The following PECR variants were observed in gnomAD, a reference collection of about 807,000 sequenced individuals.
PECR encodes 2,4-dienoyl-CoA reductase-related protein.
PECR carries 30 observed loss-of-function variants against 35.3 expected under a neutral mutation model. The ratio of observed to expected loss-of-function variants is 0.85; its 90% CI spans 0.64 to 1.15. The LOEUF (loss-of-function observed/expected upper bound fraction) is 1.15. PECR is among the 50% of genes most tolerant of loss of function. PECR has a pLI of 0.00. For missense variants in PECR, 392 were observed against 370.8 expected (o/e 1.06, Z -0.47); for synonymous variants, 148 against 138.9 (o/e 1.07, Z -0.46).
At chr2:216,071,297 G>A (rs1695582682) in intron 1 of PECR, among the ~76,000 whole-genome samples, 1 of 152,220 alleles carries the variant, frequency 6.6e-6, no homozygotes, top group Non-Finnish European at 1.5e-5. Flanking sequence ...CAAAGCATCT[G>A]CTCCACAAGC....
At chr2:216,054,287 CAAAAAAAAAAG>C (rs1695180750) in intron 4 of PECR, among the ~76,000 whole-genome samples, 2 of 69,850 alleles carry the variant, frequency 2.9e-5, no homozygotes, top group Non-Finnish European at 5.9e-5. Context: ...AACTCCATCT[CAAAAAAAAAAG>C]AAAAAAAAAA....
rs1694849015 is a variant in PECR at position 216,039,309 on chromosome 2, A to G, written c.878T>C (p.Met293Thr). Residue 293 changes from methionine (M) to threonine (T), a missense_variant, in exon 8 of 8, where the codon ATG becomes ACG. By Grantham distance (81) the Met-to-Thr change is moderately conservative. Transcript: ENST00000265322. ...AGCTTTCTCCTTAAAGGTCTCCTTC[A>G]TCTTTTTGACAACAGAAAGGTCCCC... is the stretch of plus-strand genomic sequence containing the variant. Reference protein sequence around the residue: ...GAGDLSVVKKMKETFKEKAKL With the variant: ...GAGDLSVVKKTKETFKEKAKL 6.2e-7 allele frequency: 1 copy of G among 1,610,082 alleles called. No homozygotes were observed. Among genetic ancestry groups the G allele is most frequent in the Admixed American group, 1.7e-5 (1 of 59,994 alleles).
chr2:216,031,493 G>GAA (rs1553558728), intron 7 of PECR, among the ~76,000 whole-genome samples: 1 of 124,802 alleles, frequency 8.0e-6, no homozygotes, highest in Non-Finnish European at 1.7e-5. Flanking sequence ...AAGAAAGAAA[G>GAA]AGAAAGAAAG....
intron 6 of PECR, among the ~76,000 whole-genome samples, chr2:216,046,308 ATAT>A (rs1694991094): frequency 1.8e-5 from 2 of 112,126 alleles, no homozygotes; most frequent in African/African-American, 8.5e-5. Flanking sequence ...ATATATATAT[ATAT>A]TTTTTTTTTT....
At position 216,039,068 on chromosome 2, in the gene PECR, A is replaced by G. The variant is rs185544179; in HGVS notation, c.*207T>C. ...TAAAATATGTTAATTTCTGTTACTT[A>G]TACATTTTTAAATCATAGGTTAAAA... On this transcript the variant is annotated 3_prime_UTR_variant, in exon 8 of 8. Coordinates refer to ENST00000265322, the MANE Select transcript of PECR (RefSeq NM_018441.6). 18 of 438,834 alleles carry G rather than the reference A, an allele frequency of 4.1e-5. No homozygotes were observed. In the East Asian group the frequency reaches 7.1e-4, roughly 17 times the overall value. 27.2% of individuals were successfully genotyped at this position (438,834 alleles called of 1,614,324 possible).
At chr2:216,047,236 CAAG>C (rs1695013698) in intron 6 of PECR, among the ~76,000 whole-genome samples, 1 of 141,730 alleles carries the variant, frequency 7.1e-6, no homozygotes, top group Non-Finnish European at 1.5e-5. Flanking sequence ...CCAGCCTGGG[CAAG>C]AAGAGTGTAA....
intron 7 of PECR, chr2:216,032,820 T>C (rs1694730324): frequency 6.6e-6 from 1 of 152,240 alleles, no homozygotes; most frequent in Admixed American, 6.5e-5. Context: ...ATCTTCCTGC[T>C]GGTTGGTCTT....
intron 5 of PECR, among the ~76,000 whole-genome samples, chr2:216,051,187 G>A (rs1695106866): frequency 6.7e-6 from 1 of 149,770 alleles, no homozygotes; most frequent in Non-Finnish European, 1.5e-5. Context: ...TTAGGAGGCT[G>A]AGGCACAAGA....
rs1319039152 is a variant in PECR, at chr2:216,081,556, C to T, written c.124+62G>A. On this transcript the variant is annotated intron_variant, in intron 1 of 7. Transcript: ENST00000265322. The stretch of plus-strand genomic sequence containing the variant: ...AGCCCCGCCGAGAGCTCCTGGCTCC[C>T]GTCTCCAGGTTACCCCAGGTCACCA... 8 of 1,606,062 alleles carry T rather than the reference C, an allele frequency of 5.0e-6. No homozygotes were observed. In the Admixed American group the frequency reaches 1.3e-4, roughly 27 times the overall value.
intron 1 of PECR, among the ~76,000 whole-genome samples, chr2:216,076,463 A>G (rs550016167): frequency 1.3e-5 from 2 of 152,390 alleles, no homozygotes; most frequent in East Asian, 3.9e-4. Context: ...TGAGGGAAAT[A>G]GTTAAATCAA....
Position 216,042,760 on chromosome 2 carries a change from C to G in PECR, c.826+1144G>C, listed in dbSNP as rs1486863261. Reference sequence around the variant, plus strand: ...TATTTGATTTAAACTTATAAAACTTCTGGTTTTTTTTCTTGAGACAGAGTC... The same window carrying G: ...TATTTGATTTAAACTTATAAAACTTGTGGTTTTTTTTCTTGAGACAGAGTC... On this transcript the variant is annotated intron_variant, in intron 7 of 7. Coordinates refer to ENST00000265322, the MANE Select transcript of PECR (RefSeq NM_018441.6). Among the ~76,000 whole-genome samples, 3 of 151,740 alleles carry G rather than the reference C, an allele frequency of 2.0e-5. No homozygotes were observed. In the East Asian group the frequency reaches 5.8e-4, roughly 29 times the overall value.
chr2:216,058,242 T>C (rs980069167), intron 4 of PECR, among the ~76,000 whole-genome samples: 17 of 152,296 alleles, frequency 1.1e-4, no homozygotes, highest in Middle Eastern at 3.4e-3. Context: ...ATGTGGCTGG[T>C]CTGGAAGCCA....
At position 216,044,571 on chromosome 2, in the gene PECR, G is replaced by A. The variant is rs148787225; in HGVS notation, c.715-556C>T. On this transcript the variant is annotated intron_variant, in intron 6 of 7. Coordinates refer to ENST00000265322, the MANE Select transcript of PECR (RefSeq NM_018441.6). ...CAAAAACTTAGCCAGGCACAGTGGC[G>A]GGCACCTGTGGTCCCAGCTCCTTAG... 5.5e-3 allele frequency among the ~76,000 whole-genome samples: 835 copies of A among 152,216 alleles called. 11 individuals are homozygous for A. Among genetic ancestry groups the A allele is most frequent in the African/African-American group, 0.019 (790 of 41,524 alleles).
At chr2:216,043,133 A>G (rs981848010) in intron 7 of PECR, among the ~76,000 whole-genome samples, 7 of 149,086 alleles carry the variant, frequency 4.7e-5, no homozygotes, top group Non-Finnish European at 8.9e-5. Context: ...TTGAGATAAG[A>G]GTCTCACTCT....
At chr2:216,071,060 G>A (rs1695578746) in intron 1 of PECR, among the ~76,000 whole-genome samples, 1 of 152,140 alleles carries the variant, frequency 6.6e-6, no homozygotes, top group Non-Finnish European at 1.5e-5. Flanking sequence ...CAGCCTTGGT[G>A]GTTCATTCCG....
chr2:216,076,346 T>C (rs1424702544), intron 1 of PECR, among the ~76,000 whole-genome samples: 2 of 152,044 alleles, frequency 1.3e-5, no homozygotes, highest in Admixed American at 6.6e-5. Context: ...GCATGTGCCA[T>C]GCCACCACAT....
intron 1 of PECR, among the ~76,000 whole-genome samples, chr2:216,070,652 G>A (rs1298168884): frequency 6.6e-6 from 1 of 152,190 alleles, no homozygotes; most frequent in Non-Finnish European, 1.5e-5. Context: ...AGGGGCCAGG[G>A]GAAGAAGAAG....
intron 3 of PECR, chr2:216,065,083 A>G: frequency 1.8e-6 from 1 of 560,222 alleles, no homozygotes; most frequent in South Asian, 2.0e-5. Context: ...ATCATTAATA[A>G]TTTTCTCATA....
chr2:216,075,762 C>A (rs1001635946), intron 1 of PECR, among the ~76,000 whole-genome samples: 4 of 152,152 alleles, frequency 2.6e-5, no homozygotes, highest in African/African-American at 9.7e-5. Context: ...ACTCAGAATA[C>A]TACATTTATT....
Sources: allele counts gnomAD v4.1 joint callset (sites outside exome capture counted in the v4.1 genomes callset), GRCh38; gene constraint gnomAD v4.1.1; transcripts MANE v1.5; gene names NCBI Gene and HGNC (gene_info 2026-07-23, HGNC 2026-07-21).